Variants in RTL9 observed in about 807,000 individuals in gnomAD.
RTL9 encodes retrotransposon Gag like 9, also known as retrotransposon Gag-like protein 9.
RTL9 carries 19 observed loss-of-function variants against 44.7 expected under a neutral mutation model. That is an observed-to-expected ratio of 0.42 (90% CI 0.30 to 0.62). The LOEUF (loss-of-function observed/expected upper bound fraction) is 0.62, where lower values mean the gene tolerates loss of function less well. Ranked by LOEUF, RTL9 falls within the 20% of genes least tolerant of loss-of-function variation. The pLI is 0.16. For missense variants in RTL9, 1,105 were observed against 1,080.6 expected (o/e 1.02, Z -0.32); for synonymous variants, 407 against 398.9 (o/e 1.02, Z -0.24).
intron 1 of RTL9, among the ~76,000 whole-genome samples, chrX:110,396,158 C>T (rs2068527011): frequency 9.0e-6 from 1 of 111,128 alleles, no homozygotes; most frequent in African/African-American, 3.3e-5. Context: ...ATTAGTCATA[C>T]CTATTTGTTG....
At chrX:110,404,842 A>T (rs1202405013) in intron 1 of RTL9, among the ~76,000 whole-genome samples, 1 of 111,833 alleles carries the variant, frequency 8.9e-6, no homozygotes, top group Non-Finnish European at 1.9e-5. Flanking sequence ...TCTTGGCATA[A>T]GTAAAAACAT....
At chrX:110,446,434 T>A (rs2148345464), upstream of RTL9, among the ~76,000 whole-genome samples, 1 of 110,980 alleles carries the variant, frequency 9.0e-6, no homozygotes, top group African/African-American at 3.3e-5. Flanking sequence ...ATGTCCGGGA[T>A]TCCTAGAGAG....
chrX:110,390,798 G>C (rs2068488988), intron 1 of RTL9, among the ~76,000 whole-genome samples: 1 of 111,959 alleles, frequency 8.9e-6, no homozygotes, highest in Admixed American at 9.5e-5. Flanking sequence ...TTGATCATAA[G>C]GGCTTTCAAG....
chrX:110,456,078 A>AC (rs1248720504), exon 2 of RTL9: 2 of 110,247 alleles, frequency 1.8e-5, no homozygotes, highest in Non-Finnish European at 3.8e-5. Context: ...CCTCTGGGTG[A>AC]CCCCCTCAGT....
chrX:110,442,255 G>C lies in RTL9; in HGVS notation c.-167-2898G>C, dbSNP rs866542606. Among the ~76,000 whole-genome samples the C allele has an allele frequency of 9.1e-3, 612 of 67,070 alleles. 5 individuals carry two copies. Among genetic ancestry groups the C allele is most frequent in the African/African-American group, 0.031 (508 of 16,304 alleles). 58.2% of individuals were successfully genotyped at this position (67,070 alleles called of 115,157 possible). On this transcript the variant is annotated intron_variant, in intron 1 of 3. Transcript: ENST00000465301. The stretch of plus-strand genomic sequence containing the variant: ...TCTCTCTCTCTCTCTCTCTGTGTGT[G>C]TGTGTGTGTGTGTGTGTGTGTGTGT...
intron 1 of RTL9, among the ~76,000 whole-genome samples, chrX:110,413,711 C>T (rs754039945): frequency 1.8e-5 from 2 of 110,304 alleles, no homozygotes; most frequent in Non-Finnish European, 3.8e-5. Context: ...CTGGCCTCAA[C>T]GCTCTTCTTT....
intron 1 of RTL9, among the ~76,000 whole-genome samples, chrX:110,430,007 T>C (rs1243229923): frequency 8.9e-6 from 1 of 112,261 alleles, no homozygotes; most frequent in Non-Finnish European, 1.9e-5. Flanking sequence ...GGTAATCCTA[T>C]GAAAACTGGG....
intron 1 of RTL9, among the ~76,000 whole-genome samples, chrX:110,370,600 C>G (rs1435347021): frequency 2.7e-5 from 3 of 112,339 alleles, no homozygotes; most frequent in Admixed American, 1.9e-4. Flanking sequence ...ACTTAATTTT[C>G]TTAACTTTTC....
At chrX:110,434,698 G>T (rs976009653) in intron 1 of RTL9, among the ~76,000 whole-genome samples, 4 of 111,402 alleles carry the variant, frequency 3.6e-5, no homozygotes, top group African/African-American at 1.3e-4. Context: ...GGTTTGGAGT[G>T]CTGGATAGCG....
At chrX:110,361,346 A>T (rs992983371) in intron 1 of RTL9, among the ~76,000 whole-genome samples, 1 of 111,642 alleles carries the variant, frequency 9.0e-6, no homozygotes, top group African/African-American at 3.3e-5. Flanking sequence ...TTATGTCACA[A>T]TGATCTGCTT....
chrX:110,400,492 C>T (rs965587006), intron 1 of RTL9, among the ~76,000 whole-genome samples: 2 of 110,380 alleles, frequency 1.8e-5, no homozygotes, highest in African/African-American at 3.3e-5. Context: ...CAGTAATACC[C>T]TACCTCTTCT....
At chrX:110,419,795 G>T (rs750784583) in intron 1 of RTL9, among the ~76,000 whole-genome samples, 1 of 112,449 alleles carries the variant, frequency 8.9e-6, no homozygotes, top group African/African-American at 3.2e-5. Flanking sequence ...AGTCCTTGGA[G>T]TCTCATCGCC....
intron 1 of RTL9, among the ~76,000 whole-genome samples, chrX:110,405,088 T>TC (rs35297150): frequency 0.07 from 5,178 of 73,687 alleles, 364 homozygotes; most frequent in African/African-American, 0.096. Flanking sequence ...GCTTGTTGTG[T>TC]CCCCCCCCCC....
At chrX:110,395,263 G>T (rs1428502023) in intron 1 of RTL9, among the ~76,000 whole-genome samples, 2 of 111,857 alleles carry the variant, frequency 1.8e-5, no homozygotes, top group East Asian at 2.8e-4. Context: ...CTGATCTTTT[G>T]TCTCAAAGCC....
At chrX:110,359,053 T>C (rs1185088365) in intron 1 of RTL9, 137 bp downstream of exon 1, 1 of 111,935 alleles carries the variant, frequency 8.9e-6, no homozygotes, top group African/African-American at 3.2e-5. Flanking sequence ...GAAATAGGCA[T>C]TATTATTGCC....
chrX:110,381,323 A>G (rs1477382485), intron 1 of RTL9, among the ~76,000 whole-genome samples: 1 of 112,234 alleles, frequency 8.9e-6, no homozygotes, highest in African/African-American at 3.2e-5. Context: ...ACATGAAAAA[A>G]TGCTCATCAT....
chrX:110,427,331 G>A (rs2068761451), intron 1 of RTL9, among the ~76,000 whole-genome samples: 1 of 111,893 alleles, frequency 8.9e-6, no homozygotes, highest in Non-Finnish European at 1.9e-5. Flanking sequence ...TGAGACTTGA[G>A]GCTCTCAAAA....
chrX:110,393,571 A>C (rs1297481080), intron 1 of RTL9, among the ~76,000 whole-genome samples: 1 of 111,781 alleles, frequency 8.9e-6, no homozygotes, highest in African/African-American at 3.2e-5. Flanking sequence ...CCATATCATC[A>C]TCCCACTGGT....
At chrX:110,417,054 G>T (rs2068682690), upstream of RTL9, among the ~76,000 whole-genome samples, 1 of 112,441 alleles carries the variant, frequency 8.9e-6, no homozygotes, top group Non-Finnish European at 1.9e-5. Flanking sequence ...ATTCGACAGA[G>T]ACTTCAGGAT....
Sources: allele counts gnomAD v4.1 joint callset (sites outside exome capture counted in the v4.1 genomes callset), GRCh38; gene constraint gnomAD v4.1.1; transcripts MANE v1.5; gene names NCBI Gene and HGNC (gene_info 2026-07-23, HGNC 2026-07-21).